The following SULT1C4 variants were observed in gnomAD, a reference collection of about 807,000 sequenced individuals.
SULT1C4 encodes sulfotransferase 1C4.
In SULT1C4, 32 loss-of-function variants were observed where a neutral mutation model predicts 34.8. That is an observed-to-expected ratio of 0.92 (90% confidence interval 0.69 to 1.23). The LOEUF is 1.23. SULT1C4 is among the 50% of genes most tolerant of loss of function. The pLI is 0.00. For missense variants in SULT1C4, 375 were observed against 365.9 expected (o/e 1.02, Z -0.20); for synonymous variants, 111 against 120.5 (o/e 0.92, Z 0.51).
chr2:108,385,544 C>T (rs903100902), intron 5 of SULT1C4, among the ~76,000 whole-genome samples: 14 of 152,136 alleles, frequency 9.2e-5, no homozygotes, highest in African/African-American at 3.4e-4. Flanking sequence ...TCAGGGTAAG[C>T]GCTTCCACTT....
intron 5 of SULT1C4, 149 bp downstream of exon 5, chr2:108,383,659 T>C (rs1678489571): frequency 1.6e-6 from 1 of 632,334 alleles, no homozygotes; most frequent in Non-Finnish European, 2.7e-6. Context: ...AAAGTGCACA[T>C]GGCTGATCAT....
rs1326261665 is a variant in SULT1C4 at position 108,386,275 on chromosome 2, C to T, written c.699C>T (p.Tyr233=). The T allele has an allele frequency of 1.3e-6, 2 of 1,585,226 alleles. No homozygotes were observed. Among genetic ancestry groups the T allele is most frequent in the African/African-American group, 1.3e-5 (1 of 74,274 alleles). The stretch of plus-strand genomic sequence containing the variant: ...AAGTTCTAGATAAAATTGTCCATTA[C>T]ACTTCGTTTGATGTCATGAAACAGA... ...DDKVLDKIVH[Y]TSFDVMKQNP... The change falls in exon 6 of 7, where the codon TAC becomes TAT. Residue 233 remains tyrosine (Y), a synonymous_variant. Transcript: ENST00000272452.
intron 1 of SULT1C4, 57 bp downstream of exon 1, chr2:108,378,563 A>C: frequency 6.4e-7 from 1 of 1,550,424 alleles, no homozygotes; most frequent in South Asian, 1.2e-5. Flanking sequence ...GGTAAGTGGA[A>C]GTATGCATTA....
intron 1 of SULT1C4, among the ~76,000 whole-genome samples, chr2:108,380,436 C>T (rs983313671): frequency 2.6e-5 from 4 of 152,108 alleles, no homozygotes; most frequent in Non-Finnish European, 5.9e-5. Context: ...GACCATTGAG[C>T]CCAGGAGTTG....
At position 108,378,360 on chromosome 2, in the gene SULT1C4, A is replaced by T. The variant is rs1309630363; in HGVS notation, c.23A>T (p.Asp8Val). The T allele has an allele frequency of 6.2e-7, 1 of 1,614,010 alleles. No individual in the cohort carries two copies. The highest frequency in any genetic ancestry group is 8.5e-7 in the Non-Finnish European group (1 of 1,179,970). ...CTAATGGCCTTACACGACATGGAGG[A>T]TTTTACATTTGATGGAACAAAGCGC... is the stretch of plus-strand genomic sequence containing the variant. MALHDME[D>V]FTFDGTKRLS... The change falls in exon 1 of 7, where the codon GAT (aspartate) becomes GTT (valine). Residue 8 changes from aspartate to valine, a missense_variant. Coordinates refer to ENST00000272452, the MANE Select transcript of SULT1C4 (RefSeq NM_006588.4).
intron 1 of SULT1C4, among the ~76,000 whole-genome samples, chr2:108,381,319 C>T (rs569272886): frequency 6.6e-6 from 1 of 152,072 alleles, no homozygotes; most frequent in Admixed American, 6.5e-5. Flanking sequence ...TCTTCTGAAT[C>T]CCATTTAAAA....
Position 108,381,842 on chromosome 2 carries a change from C to T in SULT1C4, c.250C>T (p.Gln84Ter). 6.6e-7 allele frequency: 1 copy of T among 1,507,994 alleles called. No individual in the cohort carries two copies. Among genetic ancestry groups the T allele is most frequent in the Non-Finnish European group, 8.8e-7 (1 of 1,134,230 alleles). 93.4% of individuals were successfully genotyped at this position (1,507,994 alleles called of 1,614,324 possible). Residue 84 changes from glutamine (Q) to a stop codon, truncating the protein, a stop_gained, in exon 2 of 7, where the codon CAA (glutamine) becomes TAA (stop). Transcript: ENST00000272452. LOFTEE classifies it high-confidence loss of function. ...VEKSKRAPTH[Q>*]RFPFLEMKIP... ...GAAAAGTAAACGGGCACCGACTCAT[C>T]AACGATTTCCTTTCCTCGAAATGAA... is the stretch of plus-strand genomic sequence containing the variant.
intron 1 of SULT1C4, among the ~76,000 whole-genome samples, chr2:108,378,828 G>C (rs541380529): frequency 3.3e-5 from 5 of 150,148 alleles, no homozygotes; most frequent in African/African-American, 1.2e-4. Context: ...CCTTATTGTA[G>C]ATCTTGTAAA....
At chr2:108,381,280 T>C (rs1678382913) in intron 1 of SULT1C4, among the ~76,000 whole-genome samples, 1 of 152,228 alleles carries the variant, frequency 6.6e-6, no homozygotes, top group Non-Finnish European at 1.5e-5. Flanking sequence ...AATCATATTA[T>C]GATAATAAGA....
chr2:108,383,158 T>G lies in SULT1C4; in HGVS notation c.459T>G (p.Asn153Lys). ...MVSYYHFQRM[N>K]KALPAPGTWE... ...CCTATTACCATTTCCAAAGAATGAA[T>G]AAAGCTCTTCCTGCTCCAGGAACAT... The change falls in exon 4 of 7, where the codon AAT becomes AAG. Residue 153 changes from asparagine (N) to lysine (K), a missense_variant. Asn to Lys is a moderately conservative substitution (Grantham distance 94). Coordinates refer to ENST00000272452, the MANE Select transcript of SULT1C4 (RefSeq NM_006588.4). 7 of 1,613,342 alleles carry G rather than the reference T, an allele frequency of 4.3e-6. No individual in the cohort carries two copies. Among genetic ancestry groups the G allele is most frequent in the Non-Finnish European group, 5.9e-6 (7 of 1,179,846 alleles).
At chr2:108,384,938 C>G (rs1020445396) in intron 5 of SULT1C4, among the ~76,000 whole-genome samples, 3 of 152,204 alleles carry the variant, frequency 2.0e-5, no homozygotes, top group Non-Finnish European at 4.4e-5. Flanking sequence ...GAGATTCAAG[C>G]ACACATCACC....
At chr2:108,384,392 G>A (rs576456259) in intron 5 of SULT1C4, among the ~76,000 whole-genome samples, 4 of 152,000 alleles carry the variant, frequency 2.6e-5, no homozygotes, top group South Asian at 2.1e-4. Flanking sequence ...CAGCACGCCC[G>A]GCTAATTTTT....
intron 1 of SULT1C4, among the ~76,000 whole-genome samples, chr2:108,379,420 C>T (rs1051541069): frequency 6.6e-6 from 1 of 152,150 alleles, no homozygotes; most frequent in Admixed American, 6.6e-5. Context: ...TCATCAGGAG[C>T]CCATTCAGGA....
rs558281734 is a variant in SULT1C4, at chr2:108,383,827, G to A, written c.615+317G>A. Among the ~76,000 whole-genome samples, 280 of 151,886 alleles carry A rather than the reference G, an allele frequency of 1.8e-3. 3 individuals carry two copies. The highest frequency in any genetic ancestry group is 6.6e-3 in the African/African-American group (273 of 41,328). ...CAGTTTAGCAGGAAAAAAAATCCTA[G>A]CACATTTTGGTTTCTTTGGTTTTTG... On this transcript the variant is annotated intron_variant, in intron 5 of 6. Transcript: ENST00000272452.
Position 108,378,520 on chromosome 2 carries a change from C to T in SULT1C4, c.169+14C>T, listed in dbSNP as rs1467159520. 3.7e-6 allele frequency: 6 copies of T among 1,611,488 alleles called. No individual in the cohort carries two copies. The highest frequency in any genetic ancestry group is 5.1e-6 in the Non-Finnish European group (6 of 1,178,754). ...ATCCTAAAGCAGGTAGGTGGAAGGGCTTGCAGGGGAAGGGGAAGAGGAGAG... is the reference window on the plus strand; with the variant it reads ...ATCCTAAAGCAGGTAGGTGGAAGGGTTTGCAGGGGAAGGGGAAGAGGAGAG... On this transcript the variant is annotated intron_variant, in intron 1 of 6. Transcript: ENST00000272452.
At chr2:108,383,788 T>A (rs1010376537) in intron 5 of SULT1C4, among the ~76,000 whole-genome samples, 1 of 152,202 alleles carries the variant, frequency 6.6e-6, no homozygotes, top group East Asian at 1.9e-4. Flanking sequence ...CCCTTGCATG[T>A]CTATTTTAAA....
Position 108,383,111 on chromosome 2 carries a change from A to T in SULT1C4, c.412A>T (p.Asn138Tyr). 6.3e-7 allele frequency: 1 copy of T among 1,596,510 alleles called. No homozygotes were observed. Among genetic ancestry groups the T allele is most frequent in the South Asian group, 1.2e-5 (1 of 85,994 alleles). The change falls in exon 4 of 7, where the codon AAT (asparagine) becomes TAT (tyrosine). Residue 138 changes from asparagine (N) to tyrosine (Y), a missense_variant. Coordinates refer to ENST00000272452, the MANE Select transcript of SULT1C4 (RefSeq NM_006588.4). Reference sequence around the variant, plus strand: ...TTCCCAGATAATCTATGTAGCAAGAAATCCCAAGGACAACATGGTGTCCTA... The same window carrying T: ...TTCCCAGATAATCTATGTAGCAAGATATCCCAAGGACAACATGGTGTCCTA... ...KNCKIIYVAR[N>Y]PKDNMVSYYH...
chr2:108,378,335 C>T lies in SULT1C4; in HGVS notation c.-3C>T. The T allele has an allele frequency of 6.2e-7, 1 of 1,612,812 alleles. No homozygotes were observed. The highest frequency in any genetic ancestry group is 8.5e-7 in the Non-Finnish European group (1 of 1,179,288). On this transcript the variant is annotated 5_prime_UTR_variant, in exon 1 of 7. Transcript: ENST00000272452. ...TGGAAGAGCCCTCTGATTTCTTACA[C>T]TAATGGCCTTACACGACATGGAGGA...
Position 108,387,396 on chromosome 2 carries a change from G to T in SULT1C4, c.873G>T (p.Met291Ile). 3 of 1,613,642 alleles carry T rather than the reference G, an allele frequency of 1.9e-6. No individual in the cohort carries two copies. The highest frequency in any genetic ancestry group is 2.5e-6 in the Non-Finnish European group (3 of 1,179,766). Reference protein sequence around the residue: ...ERFDEDYKKKMTDTRLTFHFQ... With the variant: ...ERFDEDYKKKITDTRLTFHFQ... ...TTGATGAAGATTACAAGAAGAAAAT[G>T]ACTGATACCAGACTAACTTTCCACT... The change falls in exon 7 of 7, where the codon ATG becomes ATT. Residue 291 changes from methionine (M) to isoleucine (I), a missense_variant. Transcript: ENST00000272452.
Sources: gnomAD v4.1 joint callset for allele counts (sites outside exome capture counted in the v4.1 genomes callset) on GRCh38, gnomAD v4.1.1 for gene constraint, MANE v1.5 for transcripts, NCBI Gene and HGNC (gene_info 2026-07-23, HGNC 2026-07-21) for gene names.